The following DNAJC9 variants were observed in gnomAD, a reference collection of about 807,000 sequenced individuals.
DNAJC9 encodes dnaJ homolog subfamily C member 9.
In DNAJC9, 18 loss-of-function variants were observed where a neutral mutation model predicts 32.4. That is an observed-to-expected ratio of 0.56 (90% CI 0.38 to 0.82). The LOEUF (loss-of-function observed/expected upper bound fraction) is 0.82. Among genes scored for constraint, DNAJC9 ranks in the 40% least tolerant of loss-of-function variants. The pLI is 0.00. For synonymous variants in DNAJC9, 113 were observed against 122.1 expected, an observed-to-expected ratio of 0.93 and a Z score of 0.49; for missense variants, 310 against 321.8, an observed-to-expected ratio of 0.96 and a Z score of 0.28.
At position 73,245,993 on chromosome 10, in the gene DNAJC9, C is replaced by A. The variant is rs1165730501; in HGVS notation, c.505G>T (p.Ala169Ser). The A allele has an allele frequency of 1.9e-6, 3 of 1,613,544 alleles. No individual in the cohort carries two copies. The highest frequency in any genetic ancestry group is 2.2e-5 in the East Asian group (1 of 44,880). The change falls in exon 3 of 5, where the codon GCC becomes TCC. Residue 169 changes from alanine (A) to serine (S), a missense_variant. Ala to Ser is a moderately conservative substitution (Grantham distance 99). Transcript: ENST00000372950. ...GCATTATAGGATGGGACCTCTCCGG[C>A]GTCAATAGCTTGCTGAATGATATTC... ...IRNIIQQAID[A>S]GEVPSYNAFV...
intron 4 of DNAJC9, 79 bp downstream of exon 4, chr10:73,243,761 AAAC>A: frequency 7.3e-7 from 1 of 1,366,438 alleles, no homozygotes; most frequent in South Asian, 1.3e-5. Flanking sequence ...TAAAAGAAGA[AAAC>A]AAAATACAAC....
intron 2 of DNAJC9, chr10:73,232,855 G>C: frequency 1.2e-6 from 1 of 815,340 alleles, no homozygotes; most frequent in Admixed American, 2.2e-5. Flanking sequence ...GTAGTTTCTA[G>C]TCTAAGGCTT....
intron 2 of DNAJC9, chr10:73,233,055 C>G (rs2043745674): frequency 6.4e-7 from 1 of 1,551,632 alleles, no homozygotes. Flanking sequence ...ACAGTGCAGT[C>G]CACCAGGAGA....
At position 73,246,137 on chromosome 10, in the gene DNAJC9, T is replaced by C; in HGVS notation, c.361A>G (p.Lys121Glu). The C allele has an allele frequency of 6.2e-7, 1 of 1,613,446 alleles. No homozygotes were observed. The highest frequency in any genetic ancestry group is 8.5e-7 in the Non-Finnish European group (1 of 1,179,840). ...TCAGCCAGCTCTTCTTCCGAACCTT[T>C]GTATGTCTTTTCAAAAGCTTGAATG... ...EDIQAFEKTY[K>E]GSEEELADIK... Residue 121 changes from lysine to glutamate, a missense_variant, in exon 3 of 5, where the codon AAA becomes GAA. Transcript: ENST00000372950.
At position 73,247,080 on chromosome 10, in the gene DNAJC9, T is replaced by C. The variant is rs751783588; in HGVS notation, c.110A>G (p.Lys37Arg). 3.1e-6 allele frequency: 5 copies of C among 1,593,884 alleles called. No homozygotes were observed. Among genetic ancestry groups the C allele is most frequent in the Admixed American group, 3.5e-5 (2 of 57,352 alleles). ...GTCCGGGTGTACCTGCAGGGACACC[T>C]TGTGGTAGCCTCGTCGGACCTCGCC... Reference protein sequence around the residue: ...SDGEVRRGYHKVSLQVHPDRV... With the variant: ...SDGEVRRGYHRVSLQVHPDRV... Residue 37 changes from lysine (K) to arginine (R), a missense_variant, in exon 1 of 5, where the codon AAG becomes AGG. Lys to Arg is a conservative substitution (Grantham distance 26, BLOSUM62 2). Coordinates refer to ENST00000372950, the MANE Select transcript of DNAJC9 (RefSeq NM_015190.5).
chr10:73,244,711 T>A (rs1191414452), intron 3 of DNAJC9, among the ~76,000 whole-genome samples: 1 of 151,656 alleles, frequency 6.6e-6, no homozygotes, highest in Admixed American at 6.6e-5. Flanking sequence ...CAGCCTTCCT[T>A]TGCCAAGTGT....
At chr10:73,243,964 C>A in intron 3 of DNAJC9, 35 bp from the exon 4 acceptor site, 6 of 1,561,442 alleles carry the variant, frequency 3.8e-6, no homozygotes, top group Non-Finnish European at 5.3e-6. Flanking sequence ...TCAGGGCCAC[C>A]AGGAAATGCT....
In DNAJC9 at chr10:73,233,647, G is replaced by A. The variant is rs368772036; in HGVS notation, n.147+10196C>T. 2.6e-5 allele frequency among the ~76,000 whole-genome samples: 4 copies of A among 152,172 alleles called. No individual in the cohort carries two copies. The East Asian group carries it at 7.7e-4, about 29-fold the overall frequency. ...GTGTGAACCACCGCACCCAGCAGGGGTTAAATAATTTTAATGAAATAGATA... is the reference window on the plus strand; with the variant it reads ...GTGTGAACCACCGCACCCAGCAGGGATTAAATAATTTTAATGAAATAGATA... On this transcript the variant is annotated intron_variant and non_coding_transcript_variant, in intron 2 of 2. Coordinates refer to the DNAJC9 transcript ENST00000469143.
chr10:73,243,406 C>T lies in DNAJC9; in HGVS notation c.777G>A (p.Lys259=). Reference sequence around the variant, plus strand: ...TTTGAAGAGAAAAATTCCATTATTTCTTTTCTTTCTTGAGAGCAGATTTTT... The same window carrying T: ...TTTGAAGAGAAAAATTCCATTATTTTTTTTCTTTCTTGAGAGCAGATTTTT... ...GGKKSALKKE[K]K Residue 259 remains lysine, a synonymous_variant, in exon 5 of 5, where the codon AAG becomes AAA. Transcript: ENST00000372950. The T allele has an allele frequency of 6.2e-7, 1 of 1,613,758 alleles. No homozygotes were observed. The highest frequency in any genetic ancestry group is 1.1e-5 in the South Asian group (1 of 91,076).
chr10:73,244,041 G>A (rs1447706318), intron 3 of DNAJC9, 112 bp from the exon 4 acceptor site: 6 of 819,546 alleles, frequency 7.3e-6, no homozygotes, highest in Non-Finnish European at 9.7e-6. Flanking sequence ...TATATGAATA[G>A]ACAAAATGAA....
In DNAJC9 at chr10:73,247,080, T is replaced by G. The variant is rs751783588; in HGVS notation, c.110A>C (p.Lys37Thr). Reference protein sequence around the residue: ...SDGEVRRGYHKVSLQVHPDRV... With the variant: ...SDGEVRRGYHTVSLQVHPDRV... ...GTCCGGGTGTACCTGCAGGGACACC[T>G]TGTGGTAGCCTCGTCGGACCTCGCC... Residue 37 changes from lysine (K) to threonine (T), a missense_variant, in exon 1 of 5, where the codon AAG (lysine) becomes ACG (threonine). Coordinates refer to ENST00000372950, the MANE Select transcript of DNAJC9 (RefSeq NM_015190.5). 1 of 1,594,002 alleles carries G rather than the reference T, an allele frequency of 6.3e-7. No homozygotes were observed. Among genetic ancestry groups the G allele is most frequent in the Non-Finnish European group, 8.5e-7 (1 of 1,171,628 alleles).
chr10:73,243,783 G>C, intron 4 of DNAJC9, 60 bp downstream of exon 4: 1 of 1,446,996 alleles, frequency 6.9e-7, no homozygotes, highest in Admixed American at 1.9e-5. Context: ...ACATTCCAAA[G>C]AAAATATTAG....
chr10:73,240,470 T>G (rs768751479), downstream of DNAJC9, among the ~76,000 whole-genome samples: 8 of 152,206 alleles, frequency 5.3e-5, no homozygotes, highest in Non-Finnish European at 1.0e-4. Context: ...CCCAGCACTT[T>G]CGGAGGCCAA....
rs1179482643 is a variant in DNAJC9, at chr10:73,246,777, A to C, written c.232T>G (p.Tyr78Asp). 1.2e-5 allele frequency: 20 copies of C among 1,614,108 alleles called. No individual in the cohort carries two copies. Among genetic ancestry groups the C allele is most frequent in the Non-Finnish European group, 1.6e-5 (19 of 1,180,012 alleles). The change falls in exon 2 of 5, where the codon TAC (tyrosine) becomes GAC (aspartate). Residue 78 changes from tyrosine to aspartate, a missense_variant. By Grantham distance (160) the Tyr-to-Asp change is radical. Coordinates refer to ENST00000372950, the MANE Select transcript of DNAJC9 (RefSeq NM_015190.5). ...VLSDREQRAV[Y>D]DEQGTVDEDS... ...TCGTCCACTGTTCCCTGCTCATCGT[A>C]CACTGCTCTCTGTTCTCTGTCACTG...
chr10:73,233,290 T>G, intron 2 of DNAJC9: 1 of 706,440 alleles, frequency 1.4e-6, no homozygotes, highest in South Asian at 1.8e-5. Context: ...TTATGACAGA[T>G]TGCCCATGGG....
In DNAJC9 at chr10:73,247,126, C is replaced by A. The variant is rs1316654973; in HGVS notation, c.64G>T (p.Val22Leu). ...GTADLYRVLGVRREASDGEVR... is the reference protein window; with the variant it reads ...GTADLYRVLGLRREASDGEVR... ...TCGCCGTCGGAGGCCTCGCGTCGCA[C>A]GCCCAGCACCCGGTAAAGGTCGGCG... is the stretch of plus-strand genomic sequence containing the variant. Residue 22 changes from valine to leucine, a missense_variant, in exon 1 of 5, where the codon GTG (valine) becomes TTG (leucine). Physicochemically the swap from Val to Leu is conservative, Grantham distance 32. Coordinates refer to ENST00000372950, the MANE Select transcript of DNAJC9 (RefSeq NM_015190.5). The A allele has an allele frequency of 6.3e-7, 1 of 1,595,902 alleles. No homozygotes were observed. The highest frequency in any genetic ancestry group is 8.5e-7 in the Non-Finnish European group (1 of 1,172,116).
downstream of DNAJC9, among the ~76,000 whole-genome samples, chr10:73,236,771 G>A (rs915415438): frequency 4.7e-5 from 7 of 148,944 alleles, no homozygotes; most frequent in Non-Finnish European, 8.9e-5. Flanking sequence ...TGCCCAGGCT[G>A]GAGTGCAGAG....
chr10:73,245,952 C>T lies in DNAJC9; in HGVS notation c.546G>A (p.Ser182=), dbSNP rs1698646752. 6.2e-7 allele frequency: 1 copy of T among 1,611,718 alleles called. No individual in the cohort carries two copies. The highest frequency in any genetic ancestry group is 8.5e-7 in the Non-Finnish European group (1 of 1,179,378). The part of the protein sequence containing the change: ...VPSYNAFVKE[S]KQKMNARKRR... Reference sequence around the variant, plus strand: ...TTTTCCTTGCATTCATCTTTTGTTTCGATTCTTTGACAAAGGCATTATAGG... The same window carrying T: ...TTTTCCTTGCATTCATCTTTTGTTTTGATTCTTTGACAAAGGCATTATAGG... The change falls in exon 3 of 5, where the codon TCG becomes TCA. Residue 182 remains serine (S), a synonymous_variant. Coordinates refer to ENST00000372950, the MANE Select transcript of DNAJC9 (RefSeq NM_015190.5).
downstream of DNAJC9, chr10:73,241,288 A>G (rs1393065925): frequency 4.7e-6 from 2 of 424,458 alleles, no homozygotes; most frequent in Non-Finnish European, 4.4e-6. Context: ...GCAACAGTGA[A>G]TAATACCCAA....
Sources: allele counts gnomAD v4.1 joint callset (sites outside exome capture counted in the v4.1 genomes callset), GRCh38; gene constraint gnomAD v4.1.1; transcripts MANE v1.5; gene names NCBI Gene and HGNC (gene_info 2026-07-23, HGNC 2026-07-21).